The following SELENON variants were observed in gnomAD, a reference collection of about 807,000 sequenced individuals.
SELENON encodes selenoprotein N, 1.
SELENON carries 44 observed loss-of-function variants against 59.5 expected under a neutral mutation model. The ratio of observed to expected loss-of-function variants is 0.74; its 90% CI spans 0.58 to 0.95. SELENON has a LOEUF of 0.95. SELENON is among the 40% of genes least tolerant of loss of function. The pLI, the probability that SELENON is intolerant of heterozygous loss-of-function variation, is 0.00. For synonymous variants in SELENON, 320 were observed against 305.6 expected, an observed-to-expected ratio of 1.05 and a Z score of -0.49; for missense variants, 674 against 721.4, an observed-to-expected ratio of 0.93 and a Z score of 0.75.
intron 2 of SELENON, among the ~76,000 whole-genome samples, 163 bp downstream of exon 2, chr1:25,801,323 T>G (rs2047859320): frequency 1.3e-5 from 2 of 152,158 alleles, no homozygotes; most frequent in Admixed American, 1.3e-4. Flanking sequence ...GGCGAGCTGC[T>G]CCAGCAACCC....
rs766798515 is a variant in SELENON, at chr1:25,814,093, C to T, written c.1517C>T (p.Ser506Leu). Residue 506 changes from serine to leucine, a missense_variant, in exon 12 of 13, where the codon TCG becomes TTG. Transcript: ENST00000361547. ...TCCCCACAGAACAACCAGGAGAACT[C>T]GTCCCACCAGAAGCTGGCTGGCCTG... is the stretch of plus-strand genomic sequence containing the variant. The T allele has an allele frequency of 2.0e-5, 32 of 1,613,986 alleles. No homozygotes were observed. The highest frequency in any genetic ancestry group is 1.9e-4 in the African/African-American group (14 of 74,924).
intron 7 of SELENON, among the ~76,000 whole-genome samples, chr1:25,810,848 G>A (rs2047952053): frequency 6.6e-6 from 1 of 152,196 alleles, no homozygotes; most frequent in South Asian, 2.1e-4. Context: ...GAGGGGGCCT[G>A]GACTGTATGG....
At chr1:25,809,602 C>T (rs1454553964) in intron 6 of SELENON, 81 bp from the exon 6 acceptor site, 28 of 1,596,906 alleles carry the variant, frequency 1.8e-5, no homozygotes, top group Non-Finnish European at 2.4e-5. Flanking sequence ...GCCTCCTCTC[C>T]CTGATGATTC....
In SELENON at chr1:25,800,242, C is replaced by T. The variant is rs1465332394; in HGVS notation, c.12C>T (p.Ala4=). ...CGCCAGCCGCAGCCATGGGCCGGGC[C>T]CGGCCGGGCCAACGCGGGCCGCCCA... Residue 4 remains alanine (A), a synonymous_variant, in exon 1 of 13, where the codon GCC becomes GCT. Transcript: ENST00000361547. 1 of 865,602 alleles carries T rather than the reference C, an allele frequency of 1.2e-6. No homozygotes were observed. The highest frequency in any genetic ancestry group is 5.1e-5 in the South Asian group (1 of 19,636). 53.6% of individuals were successfully genotyped at this position (865,602 alleles called of 1,614,324 possible).
rs757788537 is a variant in SELENON, at chr1:25,801,179, G to A, written c.301+19G>A. 6.2e-6 allele frequency: 10 copies of A among 1,600,774 alleles called. No homozygotes were observed. The highest frequency in any genetic ancestry group is 8.6e-7 in the Non-Finnish European group (1 of 1,168,048). On this transcript the variant is annotated intron_variant, in intron 2 of 12. Transcript: ENST00000361547. Reference sequence around the variant, plus strand: ...CTAACAGGTACCAGGAGAGACTGGCGGCTGGGGAGGAGGGCGCCTTGGCCA... The same window carrying A: ...CTAACAGGTACCAGGAGAGACTGGCAGCTGGGGAGGAGGGCGCCTTGGCCA...
intron 12 of SELENON, 26 bp from the exon 12 acceptor site, chr1:25,815,522 C>T (rs754362460): frequency 6.2e-7 from 1 of 1,613,116 alleles, no homozygotes; most frequent in African/African-American, 1.3e-5. Flanking sequence ...CTCCGCCCCA[C>T]TTGCCTCACC....
In SELENON at chr1:25,815,550, C is replaced by G. The variant is rs750712247; in HGVS notation, c.1605C>G (p.Val535=). ...GCCTCACCCGGCCCTTCTCCCAGGTCCATCACATCAATGCCAACTACTTCT... is the reference window on the plus strand; with the variant it reads ...GCCTCACCCGGCCCTTCTCCCAGGTGCATCACATCAATGCCAACTACTTCT... Residue 535 remains valine (V), a splice_region_variant and synonymous_variant, in exon 13 of 13, where the codon GTC becomes GTG. Transcript: ENST00000361547. The G allele has an allele frequency of 1.9e-6, 3 of 1,614,032 alleles. No homozygotes were observed. The Admixed American group carries it at 5.0e-5, about 27-fold the overall frequency.
chr1:25,805,282 T>C lies in SELENON; in HGVS notation c.537+7T>C. ...CAAAGATGGCTTCCTAGGGGTGAGTTGGGGACCACAGGCAGTGGGGTCATC... is the reference window on the plus strand; with the variant it reads ...CAAAGATGGCTTCCTAGGGGTGAGTCGGGGACCACAGGCAGTGGGGTCATC... On this transcript the variant is annotated splice_region_variant and intron_variant, in intron 4 of 12. Coordinates refer to ENST00000361547, the MANE Select transcript of SELENON (RefSeq NM_020451.3). 6.2e-7 allele frequency: 1 copy of C among 1,613,984 alleles called. No individual in the cohort carries two copies. The highest frequency in any genetic ancestry group is 1.1e-5 in the South Asian group (1 of 91,072).
rs2047920624 is a variant in SELENON, at chr1:25,807,793, T to C, written c.538-787T>C. Reference sequence around the variant, plus strand: ...TGGCGACAGAAGAGGGAATCTGCTGTTCCCCAAATGCTGGCCGACGTGTAG... The same window carrying C: ...TGGCGACAGAAGAGGGAATCTGCTGCTCCCCAAATGCTGGCCGACGTGTAG... On this transcript the variant is annotated intron_variant, in intron 4 of 12. Transcript: ENST00000361547. This position sits in a 1 kb window ranked among gnomAD's most constrained non-coding sequence, Gnocchi z 4.5. Among the ~76,000 whole-genome samples, 1 of 152,210 alleles carries C rather than the reference T, an allele frequency of 6.6e-6. No homozygotes were observed. Among genetic ancestry groups the C allele is most frequent in the Non-Finnish European group, 1.5e-5 (1 of 68,036 alleles).
chr1:25,811,460 G>C lies in SELENON; in HGVS notation c.1017G>C (p.Leu339=). 15 of 1,613,834 alleles carry C rather than the reference G, an allele frequency of 9.3e-6. No homozygotes were observed. The highest frequency in any genetic ancestry group is 1.2e-5 in the Non-Finnish European group (14 of 1,179,908). Residue 339 remains leucine (L), a synonymous_variant, in exon 8 of 13, where the codon CTG becomes CTC. Transcript: ENST00000361547. ...TCTGCCCTGGCCATCCCAGGTCTCTGAATGTGGACATGGAGTGGCTTTACG... is the reference window on the plus strand; with the variant it reads ...TCTGCCCTGGCCATCCCAGGTCTCTCAATGTGGACATGGAGTGGCTTTACG...
intron 10 of SELENON, 84 bp from the exon 10 acceptor site, chr1:25,813,797 C>A: frequency 1.0e-6 from 1 of 962,840 alleles, no homozygotes; most frequent in Non-Finnish European, 1.7e-6. Flanking sequence ...CAGAGACTGT[C>A]CTGCAGCCCG....
chr1:25,801,229 G>A lies in SELENON; in HGVS notation c.301+69G>A, dbSNP rs559256691. 1.5e-5 allele frequency: 19 copies of A among 1,244,016 alleles called. 1 individual carries two copies. In the Middle Eastern group the frequency reaches 1.3e-3, roughly 87 times the overall value. 77.1% of individuals were successfully genotyped at this position (1,244,016 alleles called of 1,614,324 possible). ...AACGGTGTCTTCACTGAGCAGGAGCGGCCGTCTGGAGTGGAGGGAAGCTCG... is the reference window on the plus strand; with the variant it reads ...AACGGTGTCTTCACTGAGCAGGAGCAGCCGTCTGGAGTGGAGGGAAGCTCG... On this transcript the variant is annotated intron_variant, in intron 2 of 12. Coordinates refer to ENST00000361547, the MANE Select transcript of SELENON (RefSeq NM_020451.3).
Position 25,805,211 on chromosome 1 carries a change from T to G in SELENON, c.473T>G (p.Ile158Arg). The G allele has an allele frequency of 6.2e-7, 1 of 1,614,148 alleles. No individual in the cohort carries two copies. The highest frequency in any genetic ancestry group is 8.5e-7 in the Non-Finnish European group (1 of 1,180,016). The change falls in exon 4 of 13, where the codon ATA (isoleucine) becomes AGA (arginine). Residue 158 changes from isoleucine to arginine, a missense_variant. Coordinates refer to ENST00000361547, the MANE Select transcript of SELENON (RefSeq NM_020451.3). ...GACCCTAGCGAGGAGACGCTCACCA[T>G]AGAAGCCCGATTCCAGCCTCTGCTC...
chr1:25,808,688 G>C lies in SELENON; in HGVS notation c.646G>C (p.Glu216Gln). 1 of 1,614,110 alleles carries C rather than the reference G, an allele frequency of 6.2e-7. No homozygotes were observed. The highest frequency in any genetic ancestry group is 8.5e-7 in the Non-Finnish European group (1 of 1,179,992). The change falls in exon 5 of 13, where the codon GAG becomes CAG. Residue 216 changes from glutamate to glutamine, a missense_variant. Transcript: ENST00000361547. ...GCCCTTCCTTCCCCCGCCAGGCCAG[G>C]AGCTGGGTGAGCCCTGGTGGATCAT... is the stretch of plus-strand genomic sequence containing the variant.
intron 10 of SELENON, 58 bp downstream of exon 9, chr1:25,812,850 AC>A: frequency 7.5e-7 from 1 of 1,335,154 alleles, no homozygotes; most frequent in Non-Finnish European, 1.1e-6. Flanking sequence ...CTTGTGGGGT[AC>A]CAGAGGCTCT....
intron 10 of SELENON, among the ~76,000 whole-genome samples, chr1:25,813,130 A>C (rs2047981107): frequency 6.6e-6 from 1 of 152,198 alleles, no homozygotes; most frequent in African/African-American, 2.4e-5. Flanking sequence ...TGGAGGTGAA[A>C]GTGCCGCATA....
chr1:25,805,832 C>T (rs12741078), intron 4 of SELENON, among the ~76,000 whole-genome samples: 1 of 151,868 alleles, frequency 6.6e-6, no homozygotes, highest in African/African-American at 2.4e-5. Flanking sequence ...GACAGATGCT[C>T]TCCTTGCCAG....
At chr1:25,805,322 A>G in intron 4 of SELENON, 47 bp downstream of exon 3, 1 of 1,612,936 alleles carries the variant, frequency 6.2e-7, no homozygotes, top group Non-Finnish European at 8.5e-7. Context: ...TGTATCCCGA[A>G]GATGAGTTTC....
rs1053874219 is a variant in SELENON, at chr1:25,816,804, G to C, written c.*1086G>C. Reference sequence around the variant, plus strand: ...TGCTGAGGAGAAAGGAGGGGCAGTGGCTTCCCCGGCAGCAGCCCCATGATG... The same window carrying C: ...TGCTGAGGAGAAAGGAGGGGCAGTGCCTTCCCCGGCAGCAGCCCCATGATG... On this transcript the variant is annotated 3_prime_UTR_variant, in exon 13 of 13. Transcript: ENST00000361547. 2 of 152,688 alleles carry C rather than the reference G, an allele frequency of 1.3e-5. No homozygotes were observed. The highest frequency in any genetic ancestry group is 2.9e-5 in the Non-Finnish European group (2 of 68,082). The allele number at this position is 152,688 out of a possible 1,614,324, so 9.5% of individuals were successfully genotyped here. A position where few individuals can be genotyped will look rare whatever the true frequency, so the allele number is the denominator to read the frequency against.
Sources: gnomAD v4.1 joint callset for allele counts (sites outside exome capture counted in the v4.1 genomes callset) on GRCh38, gnomAD v4.1.1 for gene constraint, Gnocchi (gnomAD v3.1) non-coding constraint, MANE v1.5 for transcripts, NCBI Gene and HGNC (gene_info 2026-07-23, HGNC 2026-07-21) for gene names.